LRMDA: variants seen among roughly 807,000 people sequenced by gnomAD.
The protein encoded by LRMDA is leucine-rich melanocyte differentiation-associated protein.
A neutral mutation model predicts 29.8 loss-of-function variants in LRMDA; 18 were observed. The ratio of observed to expected loss-of-function variants is 0.60; its 90% confidence interval spans 0.42 to 0.90. The LOEUF is 0.90. Ranked by LOEUF, LRMDA falls within the 40% of genes least tolerant of loss-of-function variation. The pLI is 0.00. For synonymous variants in LRMDA, 125 were observed against 109.4 expected (o/e 1.14, Z -0.89); for missense variants, 273 against 273.9 (o/e 1.00, Z 0.02).
intron 5 of LRMDA, among the ~76,000 whole-genome samples, chr10:76,166,829 G>A (rs1433039884): frequency 1.3e-5 from 2 of 151,892 alleles, no homozygotes; most frequent in South Asian, 2.1e-4. Context: ...CTCCTAGGTC[G>A]AATGGTAGCT....
chr10:76,080,626 T>C (rs1338227222), intron 5 of LRMDA, among the ~76,000 whole-genome samples: 1 of 152,238 alleles, frequency 6.6e-6, no homozygotes, highest in Non-Finnish European at 1.5e-5. Flanking sequence ...TGTCCACATA[T>C]CAGCTTTGTC....
intron 5 of LRMDA, among the ~76,000 whole-genome samples, chr10:76,262,967 T>C (rs1184827024): frequency 6.6e-6 from 1 of 152,266 alleles, no homozygotes; most frequent in Non-Finnish European, 1.5e-5. Context: ...TGCCCTAGCA[T>C]AATTTTTCTC....
At chr10:75,559,324 T>C (rs1341510120) in intron 2 of LRMDA, among the ~76,000 whole-genome samples, 1 of 150,962 alleles carries the variant, frequency 6.6e-6, no homozygotes, top group Admixed American at 6.6e-5. Context: ...GCTGCATAAA[T>C]GTCTTCTTTT....
At chr10:75,499,049 G>C (rs1845081282) in intron 2 of LRMDA, among the ~76,000 whole-genome samples, 1 of 152,128 alleles carries the variant, frequency 6.6e-6, no homozygotes, top group African/African-American at 2.4e-5. Flanking sequence ...CTGGAGGCAG[G>C]AGGGAAGGGC....
intron 2 of LRMDA, among the ~76,000 whole-genome samples, chr10:75,850,445 CTT>C (rs1844712925): frequency 6.6e-6 from 1 of 152,126 alleles, no homozygotes; most frequent in Non-Finnish European, 1.5e-5. Context: ...CCCACTCAAA[CTT>C]AGTGTTAAAA....
At chr10:76,169,704 C>T (rs778250183) in intron 5 of LRMDA, among the ~76,000 whole-genome samples, 2 of 152,176 alleles carry the variant, frequency 1.3e-5, no homozygotes, top group Non-Finnish European at 2.9e-5. Flanking sequence ...AGAAAGCAAA[C>T]TCAAGGTCCT....
intron 2 of LRMDA, among the ~76,000 whole-genome samples, chr10:75,933,790 T>C (rs1376571191): frequency 6.6e-6 from 1 of 152,186 alleles, no homozygotes; most frequent in Non-Finnish European, 1.5e-5. Context: ...ATATGTTTTT[T>C]AGGTGCCTGT....
chr10:75,983,459 C>T (rs975560461), intron 2 of LRMDA, among the ~76,000 whole-genome samples: 2 of 152,110 alleles, frequency 1.3e-5, no homozygotes, highest in East Asian at 3.9e-4. Flanking sequence ...ATGGTCTTAC[C>T]TGTCATTGAA....
intron 5 of LRMDA, among the ~76,000 whole-genome samples, chr10:76,142,493 G>T (rs1377276174): frequency 1.4e-5 from 2 of 144,802 alleles, no homozygotes; most frequent in Non-Finnish European, 3.0e-5. Flanking sequence ...TTAAAACTTT[G>T]GTAAAAACAA....
chr10:75,999,147 G>T (rs1847520224), intron 2 of LRMDA, among the ~76,000 whole-genome samples: 1 of 152,222 alleles, frequency 6.6e-6, no homozygotes, highest in African/African-American at 2.4e-5. Context: ...TGTTGGGAGA[G>T]AAAGCAGTAA....
intron 6 of LRMDA, among the ~76,000 whole-genome samples, chr10:76,333,094 A>G (rs990040670): frequency 2.0e-5 from 3 of 152,154 alleles, no homozygotes; most frequent in African/African-American, 7.2e-5. Context: ...TTAAGTGGAG[A>G]GCAAAAGAAG....
chr10:75,742,857 AG>A, intron 2 of LRMDA: 1 of 152,404 alleles, frequency 6.6e-6, no homozygotes, highest in South Asian at 2.1e-4. Context: ...AATGTTCTCC[AG>A]GTGACTTTAA....
At chr10:75,561,875 A>T (rs1435857147) in intron 2 of LRMDA, among the ~76,000 whole-genome samples, 2 of 151,938 alleles carry the variant, frequency 1.3e-5, no homozygotes, top group Non-Finnish European at 2.9e-5. Context: ...TTCTAGTTTG[A>T]TTGCACCGTG....
At position 75,538,763 on chromosome 10, in the gene LRMDA, C is replaced by G. The variant is rs148659603; in HGVS notation, c.131+100269C>G. On this transcript the variant is annotated intron_variant, in intron 2 of 6. Coordinates refer to ENST00000611255, the MANE Select transcript of LRMDA (RefSeq NM_001305581.2). ...AAAAGGCTGGCAGAGAGACTTTATG[C>G]ATGTTACCTAAGCTGGGATTTGATC... Among the ~76,000 whole-genome samples the G allele has an allele frequency of 6.2e-3, 948 of 152,302 alleles. 7 individuals are homozygous for G. The highest frequency in any genetic ancestry group is 0.02 in the African/African-American group (837 of 41,564).
intron 2 of LRMDA, among the ~76,000 whole-genome samples, chr10:75,918,402 G>A (rs1355504157): frequency 1.3e-5 from 2 of 152,128 alleles, no homozygotes; most frequent in African/African-American, 2.4e-5. Context: ...CACGGTGGAA[G>A]GCAAAGAGGG....
At chr10:75,507,829 C>T (rs1845185957) in intron 2 of LRMDA, among the ~76,000 whole-genome samples, 1 of 152,122 alleles carries the variant, frequency 6.6e-6, no homozygotes, top group Admixed American at 6.5e-5. Context: ...CACCATTTGT[C>T]CTTAGGCACA....
At chr10:75,755,119 A>G (rs1265473255) in intron 2 of LRMDA, among the ~76,000 whole-genome samples, 21 of 152,056 alleles carry the variant, frequency 1.4e-4, no homozygotes. Flanking sequence ...AGGACACCAT[A>G]AAAATAACTT....
chr10:76,350,677 C>T (rs1217320340), intron 6 of LRMDA, among the ~76,000 whole-genome samples: 3 of 152,120 alleles, frequency 2.0e-5, no homozygotes, highest in Non-Finnish European at 4.4e-5. Flanking sequence ...GGTCAGAATC[C>T]TCTCTGTCAC....
At chr10:75,931,556 G>T (rs1440408441) in intron 2 of LRMDA, among the ~76,000 whole-genome samples, 1 of 152,166 alleles carries the variant, frequency 6.6e-6, no homozygotes, top group African/African-American at 2.4e-5. Context: ...AAATACTTCT[G>T]GAAGTCATTA....
Sources: gnomAD v4.1 joint callset for allele counts (sites outside exome capture counted in the v4.1 genomes callset) on GRCh38, gnomAD v4.1.1 for gene constraint, MANE v1.5 for transcripts, NCBI Gene and HGNC (gene_info 2026-07-23, HGNC 2026-07-21) for gene names.